SPON1: variants seen among roughly 807,000 people sequenced by gnomAD.
SPON1 encodes the protein spondin-1.
In SPON1, 52 loss-of-function variants were observed where a neutral mutation model predicts 111.7. That is an observed-to-expected ratio of 0.47 (90% CI 0.37 to 0.59). The LOEUF (loss-of-function observed/expected upper bound fraction) is 0.59. SPON1 is among the 20% of genes least tolerant of loss of function. The pLI, the probability that SPON1 is intolerant of heterozygous loss-of-function variation, is 0.00. For synonymous variants in SPON1, 410 were observed against 395.8 expected, an observed-to-expected ratio of 1.04 and a Z score of -0.43; for missense variants, 957 against 1,068.5, an observed-to-expected ratio of 0.90 and a Z score of 1.46.
chr11:14,019,885 C>T (rs1848468660), intron 2 of SPON1, among the ~76,000 whole-genome samples: 1 of 152,196 alleles, frequency 6.6e-6, no homozygotes, highest in Non-Finnish European at 1.5e-5. Flanking sequence ...ACACTCTCCT[C>T]ATAGGCCACT....
At chr11:14,150,811 C>T (rs1232696605) in intron 6 of SPON1, among the ~76,000 whole-genome samples, 1 of 152,212 alleles carries the variant, frequency 6.6e-6, no homozygotes. Context: ...ACAGGGAGCA[C>T]AGTGTAGGGC....
chr11:14,210,570 T>A (rs1848565599), intron 6 of SPON1, among the ~76,000 whole-genome samples: 3 of 151,946 alleles, frequency 2.0e-5, no homozygotes, highest in South Asian at 4.2e-4. Flanking sequence ...TGGCTAATTT[T>A]TATAGTTTTA....
chr11:14,050,852 A>T (rs911410912), intron 3 of SPON1, among the ~76,000 whole-genome samples: 4 of 152,176 alleles, frequency 2.6e-5, no homozygotes, highest in African/African-American at 9.6e-5. Context: ...GTGGCCCCAT[A>T]GCATTAACTC....
chr11:14,015,641 G>T (rs1554914227), intron 2 of SPON1, among the ~76,000 whole-genome samples: 1 of 152,240 alleles, frequency 6.6e-6, no homozygotes, highest in Admixed American at 6.5e-5. Context: ...ATATGTCAAA[G>T]ATGTGGTTGA....
intron 6 of SPON1, among the ~76,000 whole-genome samples, chr11:14,201,125 G>A (rs1848457521): frequency 6.6e-6 from 1 of 151,976 alleles, no homozygotes; most frequent in Admixed American, 6.6e-5. Context: ...TAGATCACAA[G>A]GTCAGGAGGT....
At chr11:14,189,762 G>A (rs1848325249) in intron 6 of SPON1, among the ~76,000 whole-genome samples, 1 of 152,210 alleles carries the variant, frequency 6.6e-6, no homozygotes, top group Admixed American at 6.5e-5. Context: ...TTATTTAGAA[G>A]CCAGTTTACA....
At chr11:14,085,758 T>C (rs1849001197) in intron 5 of SPON1, among the ~76,000 whole-genome samples, 2 of 152,362 alleles carry the variant, frequency 1.3e-5, no homozygotes, top group South Asian at 4.1e-4. Context: ...ATTTTCACAA[T>C]ATTAATTCTT....
chr11:14,244,252 G>A (rs1292216267), intron 7 of SPON1, among the ~76,000 whole-genome samples: 3 of 152,144 alleles, frequency 2.0e-5, no homozygotes, highest in South Asian at 2.1e-4. Context: ...CAGGCGCAGT[G>A]GCTTACGCTG....
chr11:14,007,857 A>G (rs1424234315), intron 2 of SPON1, among the ~76,000 whole-genome samples: 7 of 150,954 alleles, frequency 4.6e-5, no homozygotes, highest in South Asian at 4.2e-4. Flanking sequence ...GCATCACTCT[A>G]CTCTCTGCCT....
At chr11:14,107,826 G>T (rs1554925075) in intron 5 of SPON1, among the ~76,000 whole-genome samples, 1 of 152,104 alleles carries the variant, frequency 6.6e-6, no homozygotes, top group Non-Finnish European at 1.5e-5. Context: ...GTAGCCAATG[G>T]TCAGCACTCC....
intron 6 of SPON1, among the ~76,000 whole-genome samples, chr11:14,230,658 A>G (rs1489811738): frequency 3.3e-5 from 5 of 152,222 alleles, no homozygotes; most frequent in Non-Finnish European, 7.3e-5. Context: ...AGCCTCACAC[A>G]GTGCCCACCT....
chr11:14,180,271 A>G (rs1455332211), intron 6 of SPON1, among the ~76,000 whole-genome samples: 2 of 152,240 alleles, frequency 1.3e-5, no homozygotes, highest in Non-Finnish European at 2.9e-5. Flanking sequence ...AGATAAACTT[A>G]AATTTGTCAG....
At chr11:14,223,678 C>T (rs573497986) in intron 6 of SPON1, among the ~76,000 whole-genome samples, 2 of 152,272 alleles carry the variant, frequency 1.3e-5, no homozygotes, top group South Asian at 2.1e-4. Flanking sequence ...ATCCTGTCTC[C>T]ACCCTTCTAC....
intron 6 of SPON1, among the ~76,000 whole-genome samples, chr11:14,204,361 A>C (rs868984776): frequency 6.6e-5 from 10 of 152,310 alleles, no homozygotes; most frequent in African/African-American, 2.4e-4. Context: ...AGCTGACTGC[A>C]GTCTTGACCT....
rs1210862493 is a variant in SPON1, at chr11:14,122,901, G to T, written c.677-12519G>T. 2.0e-5 allele frequency among the ~76,000 whole-genome samples: 3 copies of T among 149,580 alleles called. No homozygotes were observed. The South Asian group carries it at 6.4e-4, about 32-fold the overall frequency. ...CTGTGGGGCTTTTTCCTGATTTGGG[G>T]TTACATTTCCTGCCTTTATACTGCT... On this transcript the variant is annotated intron_variant, in intron 5 of 15. Transcript: ENST00000576479.
At chr11:14,183,039 T>C (rs1447890872) in intron 6 of SPON1, among the ~76,000 whole-genome samples, 2 of 152,256 alleles carry the variant, frequency 1.3e-5, no homozygotes, top group Admixed American at 6.5e-5. Context: ...TGCAAAATCT[T>C]ATCCATGACT....
chr11:14,260,452 A>T, intron 13 of SPON1, 136 bp from the exon 14 acceptor site: 1 of 890,444 alleles, frequency 1.1e-6, no homozygotes, highest in Non-Finnish European at 1.7e-6. Context: ...TTTCACTCTT[A>T]TTTGAACCCA....
At chr11:14,238,103 T>G (rs1408491336) in intron 6 of SPON1, among the ~76,000 whole-genome samples, 2 of 152,246 alleles carry the variant, frequency 1.3e-5, no homozygotes, top group Non-Finnish European at 2.9e-5. Context: ...AGATGCTGTC[T>G]ATTAGGCAAT....
intron 6 of SPON1, among the ~76,000 whole-genome samples, chr11:14,165,329 T>C (rs905873104): frequency 2.0e-5 from 3 of 152,138 alleles, no homozygotes; most frequent in Non-Finnish European, 4.4e-5. Context: ...GTGTAGGCTA[T>C]GAGGATGGGA....
Sources: allele counts gnomAD v4.1 joint callset (sites outside exome capture counted in the v4.1 genomes callset), GRCh38; gene constraint gnomAD v4.1.1; transcripts MANE v1.5; gene names NCBI Gene and HGNC (gene_info 2026-07-23, HGNC 2026-07-21).